Variants in COL19A1 observed in about 807,000 individuals in gnomAD.
COL19A1 encodes collagen alpha-1(XIX) chain.
In COL19A1, 159 loss-of-function variants were observed where a neutral mutation model predicts 190.2. That is an observed-to-expected ratio of 0.84 (90% CI 0.73 to 0.95). The LOEUF (loss-of-function observed/expected upper bound fraction) is 0.95. Among genes scored for constraint, COL19A1 ranks in the 40% least tolerant of loss-of-function variants. COL19A1 has a pLI of 0.00. For missense variants in COL19A1, 1,418 were observed against 1,431.9 expected, an observed-to-expected ratio of 0.99 and a Z score of 0.16; for synonymous variants, 509 against 458.9, an observed-to-expected ratio of 1.11 and a Z score of -1.39.
intron 34 of COL19A1, 92 bp downstream of exon 34, chr6:70,156,815 ATC>A: frequency 2.2e-6 from 2 of 894,154 alleles, no homozygotes; most frequent in Non-Finnish European, 3.4e-6. Flanking sequence ...TATAGCTCAG[ATC>A]TGATGCTATA....
rs142396545 is a variant in COL19A1, at chr6:69,874,056, G to C, written c.-32-5480G>C. 5.5e-3 allele frequency among the ~76,000 whole-genome samples: 843 copies of C among 152,298 alleles called. 10 individuals carry two copies. The highest frequency in any genetic ancestry group is 0.017 in the African/African-American group (701 of 41,554). ...CTTGATAATCACCTAGCTGGGACCT[G>C]TGGGGACAGGAAGGAAATGTGGCAA... is the stretch of plus-strand genomic sequence containing the variant. On this transcript the variant is annotated intron_variant, in intron 1 of 50. Transcript: ENST00000620364.
chr6:69,885,781 A>G (rs1232169108), intron 2 of COL19A1, among the ~76,000 whole-genome samples: 1 of 152,068 alleles, frequency 6.6e-6, no homozygotes, highest in Admixed American at 6.6e-5. Flanking sequence ...CTTAAGGTCT[A>G]TCTATGCTGT....
At position 69,907,377 on chromosome 6, in the gene COL19A1, G is replaced by A. The variant is rs565265885; in HGVS notation, c.266+7039G>A. Among the ~76,000 whole-genome samples the A allele has an allele frequency of 4.6e-5, 7 of 152,000 alleles. No homozygotes were observed. The East Asian group carries it at 7.7e-4, about 17-fold the overall frequency. ...ACTCCTGACCTCAGGTGATCCACCC[G>A]CCTCGGCCCCCCAAAGTGCTGGGAT... On this transcript the variant is annotated intron_variant, in intron 4 of 50. Transcript: ENST00000620364.
intron 11 of COL19A1, among the ~76,000 whole-genome samples, chr6:69,989,052 C>T (rs1031015367): frequency 3.9e-5 from 6 of 152,126 alleles, no homozygotes; most frequent in South Asian, 2.1e-4. Context: ...TTCTCATAGC[C>T]GCCCTTCTTT....
chr6:70,140,904 G>A, intron 19 of COL19A1, 50 bp from the exon 20 acceptor site: 1 of 1,584,794 alleles, frequency 6.3e-7, no homozygotes, highest in Non-Finnish European at 8.7e-7. Flanking sequence ...CCGGTTTGGA[G>A]AGTTTATTTC....
At chr6:69,977,081 A>G (rs1775752459) in intron 11 of COL19A1, among the ~76,000 whole-genome samples, 1 of 152,230 alleles carries the variant, frequency 6.6e-6, no homozygotes, top group Non-Finnish European at 1.5e-5. Context: ...TCAAAGGATT[A>G]TAAATCATGC....
chr6:70,189,394 C>G (rs1447840250), intron 47 of COL19A1, among the ~76,000 whole-genome samples: 1 of 152,162 alleles, frequency 6.6e-6, no homozygotes, highest in Non-Finnish European at 1.5e-5. Context: ...TTCCAACTCT[C>G]TCATCTGACC....
intron 7 of COL19A1, 98 bp from the exon 8 acceptor site, chr6:69,936,687 G>C: frequency 6.8e-7 from 1 of 1,469,718 alleles, no homozygotes; most frequent in Non-Finnish European, 9.2e-7. Flanking sequence ...GTTCTTGCAG[G>C]CAACCTCAGC....
At chr6:70,173,266 G>C (rs1011263513) in intron 41 of COL19A1, among the ~76,000 whole-genome samples, 4 of 152,202 alleles carry the variant, frequency 2.6e-5, no homozygotes, top group African/African-American at 9.7e-5. Flanking sequence ...TCTAAGTGGA[G>C]ATATAAATTT....
Position 69,921,449 on chromosome 6 carries a change from T to TATCA in COL19A1, c.267-6459_267-6456dup, listed in dbSNP as rs1771868701. Among the ~76,000 whole-genome samples the TATCA allele has an allele frequency of 6.2e-5, 2 of 32,112 alleles. 1 individual carries two copies. The highest frequency in any genetic ancestry group is 2.8e-4 in the African/African-American group (2 of 7,244). The allele number at this position is 32,112 out of a possible 152,430, so 21.1% of individuals were successfully genotyped here. ...TATCATATATATCATATATATCATATATCATATATATCATATATATTCATA... is the reference window on the plus strand; with the variant it reads ...TATCATATATATCATATATATCATATATCAATCATATATATCATATATATTCATA... On this transcript the variant is annotated intron_variant, in intron 4 of 50. Transcript: ENST00000620364.
At chr6:69,890,478 T>C (rs1769271499) in intron 2 of COL19A1, 1 of 152,224 alleles carries the variant, frequency 6.6e-6, no homozygotes, top group South Asian at 2.1e-4. Context: ...TCCCATGAAA[T>C]TGAAGATGTT....
intron 6 of COL19A1, 35 bp from the exon 7 acceptor site, chr6:69,932,748 A>G: frequency 7.5e-7 from 1 of 1,333,150 alleles, no homozygotes; most frequent in Non-Finnish European, 1.1e-6. Flanking sequence ...ATTCCAAAAA[A>G]CTAAAGATGT....
chr6:70,030,730 G>A (rs759541245), intron 12 of COL19A1, among the ~76,000 whole-genome samples: 1 of 152,092 alleles, frequency 6.6e-6, no homozygotes, highest in Non-Finnish European at 1.5e-5. Flanking sequence ...CAGTGAATGG[G>A]ATAACTTCCT....
At chr6:69,965,929 T>C (rs1015056376) in intron 11 of COL19A1, among the ~76,000 whole-genome samples, 4 of 152,162 alleles carry the variant, frequency 2.6e-5, no homozygotes, top group Non-Finnish European at 5.9e-5. Flanking sequence ...TCTCTCTATA[T>C]AGGAGTAGTC....
chr6:70,090,597 G>A (rs543770126), intron 15 of COL19A1, among the ~76,000 whole-genome samples: 3 of 152,248 alleles, frequency 2.0e-5, no homozygotes, highest in Non-Finnish European at 4.4e-5. Context: ...CTGTAAGGAA[G>A]TGTTATAAGC....
At chr6:69,920,743 T>C (rs946772921) in intron 4 of COL19A1, among the ~76,000 whole-genome samples, 1 of 151,734 alleles carries the variant, frequency 6.6e-6, no homozygotes, top group African/African-American at 2.4e-5. Context: ...AAAAAAAGGA[T>C]AAATTACACT....
intron 10 of COL19A1, among the ~76,000 whole-genome samples, chr6:69,960,949 TG>T (rs1774761929): frequency 2.6e-5 from 4 of 152,160 alleles, no homozygotes; most frequent in Admixed American, 6.5e-5. Flanking sequence ...TTTCTTCTTC[TG>T]GGAAGAAGCA....
chr6:69,921,865 A>T (rs933180075), intron 4 of COL19A1, among the ~76,000 whole-genome samples: 1 of 151,890 alleles, frequency 6.6e-6, no homozygotes, highest in Non-Finnish European at 1.5e-5. Flanking sequence ...TATATGAATG[A>T]ACTTAGCAAG....
At chr6:69,986,238 TATATATATATATATAC>T (rs952288521) in intron 11 of COL19A1, among the ~76,000 whole-genome samples, 2 of 145,888 alleles carry the variant, frequency 1.4e-5, no homozygotes, top group African/African-American at 5.1e-5. Flanking sequence ...TATATATATA[TATATATATATATATAC>T]ACACACACAT....
Sources: gnomAD v4.1 joint callset for allele counts (sites outside exome capture counted in the v4.1 genomes callset) on GRCh38, gnomAD v4.1.1 for gene constraint, MANE v1.5 for transcripts, NCBI Gene and HGNC (gene_info 2026-07-23, HGNC 2026-07-21) for gene names.